Variants in CCDC126 observed in about 807,000 individuals in gnomAD.
The protein encoded by CCDC126 is coiled-coil domain containing 126.
In CCDC126, 5 loss-of-function variants were observed where a neutral mutation model predicts 11.7. That is an observed-to-expected ratio of 0.43 (90% confidence interval 0.22 to 0.90). CCDC126 has a LOEUF of 0.90. Ranked by LOEUF, CCDC126 falls within the 40% of genes least tolerant of loss-of-function variation. The probability of loss-of-function intolerance (pLI) is 0.27; values close to 1 mark genes in which losing one functional copy is unlikely to be tolerated. For synonymous variants in CCDC126, 60 were observed against 61.9 expected (o/e 0.97, Z 0.14); for missense variants, 150 against 163.1 (o/e 0.92, Z 0.44).
chr7:23,614,684 A>G (rs1484059886), intron 3 of CCDC126, among the ~76,000 whole-genome samples: 2 of 152,202 alleles, frequency 1.3e-5, no homozygotes, highest in African/African-American at 4.8e-5. Flanking sequence ...GGGCAGGAGA[A>G]TGGATGTTGT....
chr7:23,611,041 A>G (rs966435184), intron 2 of CCDC126, 130 bp from the exon 3 acceptor site: 1 of 219,910 alleles, frequency 4.5e-6, no homozygotes, highest in Admixed American at 5.5e-5. Context: ...AAGCTTACTT[A>G]GTGGTGGAGA....
At chr7:23,619,421 T>A in intron 3 of CCDC126, 1 of 421,120 alleles carries the variant, frequency 2.4e-6, no homozygotes, top group South Asian at 1.9e-5. Context: ...AAGGATAGAT[T>A]AAAACCTACA....
At chr7:23,619,897 C>T (rs1325645884) in intron 3 of CCDC126, among the ~76,000 whole-genome samples, 2 of 152,074 alleles carry the variant, frequency 1.3e-5, no homozygotes, top group East Asian at 3.9e-4. Context: ...CATGTCCCTA[C>T]AAAGGACATG....
At chr7:23,622,967 TC>T (rs1562495006) in intron 3 of CCDC126, 7 of 144,110 alleles carry the variant, frequency 4.9e-5, no homozygotes, top group South Asian at 2.9e-4. Context: ...ATATGCTCAC[TC>T]TTTTTTTTTT....
chr7:23,629,276 CAG>C (rs1279173897), intron 3 of CCDC126, among the ~76,000 whole-genome samples: 1 of 152,138 alleles, frequency 6.6e-6, no homozygotes, highest in Non-Finnish European at 1.5e-5. Context: ...CCTTTATAAA[CAG>C]AGGCTTCAGA....
intron 3 of CCDC126, among the ~76,000 whole-genome samples, chr7:23,636,359 C>A (rs1390502250): frequency 6.7e-6 from 1 of 150,150 alleles, no homozygotes; most frequent in East Asian, 2.0e-4. Flanking sequence ...GCCTGGCTGC[C>A]CAGTCTGGAA....
chr7:23,637,838 T>G (rs1403029642), intron 3 of CCDC126, among the ~76,000 whole-genome samples: 1 of 86,334 alleles, frequency 1.2e-5, no homozygotes, highest in Non-Finnish European at 2.4e-5. Flanking sequence ...GGGAGGGAGG[T>G]GGGGGGGTCA....
At chr7:23,625,247 G>T (rs1782993506) in intron 3 of CCDC126, among the ~76,000 whole-genome samples, 1 of 152,156 alleles carries the variant, frequency 6.6e-6, no homozygotes, top group Admixed American at 6.5e-5. Flanking sequence ...GTGTATTTGT[G>T]TGTATGAAAT....
At chr7:23,632,634 GC>G (rs1302442279) in intron 3 of CCDC126, among the ~76,000 whole-genome samples, 2 of 152,178 alleles carry the variant, frequency 1.3e-5, no homozygotes, top group African/African-American at 4.8e-5. Context: ...GGGAAACTGG[GC>G]AAAGGGAATT....
intron 3 of CCDC126, among the ~76,000 whole-genome samples, chr7:23,634,415 A>T (rs1402580169): frequency 6.6e-6 from 1 of 152,222 alleles, no homozygotes; most frequent in Non-Finnish European, 1.5e-5. Context: ...TGATTGTGCT[A>T]TTGCACTCCA....
In CCDC126 at chr7:23,608,257, A is replaced by G. The variant is rs557131251; in HGVS notation, c.-145-2914A>G. Among the ~76,000 whole-genome samples the G allele has an allele frequency of 2.8e-4, 42 of 152,312 alleles. No homozygotes were observed. The East Asian group carries it at 3.5e-3, about 13-fold the overall frequency. ...ACTCTGTGGCTGGTGGTCTCTTATCAGGAAGAAATGCTTGTAGGTTGTTTC... is the reference window on the plus strand; with the variant it reads ...ACTCTGTGGCTGGTGGTCTCTTATCGGGAAGAAATGCTTGTAGGTTGTTTC... On this transcript the variant is annotated intron_variant, in intron 2 of 3. Coordinates refer to ENST00000307471, the MANE Select transcript of CCDC126 (RefSeq NM_138771.4).
At chr7:23,603,923 A>G (rs1013413147) in intron 2 of CCDC126, among the ~76,000 whole-genome samples, 4 of 152,210 alleles carry the variant, frequency 2.6e-5, no homozygotes, top group African/African-American at 9.6e-5. Context: ...GACATGGCTT[A>G]CACACATGCT....
At chr7:23,598,784 C>G (rs1357574451) in intron 2 of CCDC126, among the ~76,000 whole-genome samples, 1 of 152,194 alleles carries the variant, frequency 6.6e-6, no homozygotes, top group Non-Finnish European at 1.5e-5. Context: ...CAGTGTAGGA[C>G]AGAGAGTAAT....
At chr7:23,639,145 A>G (rs1184550225) in intron 3 of CCDC126, among the ~76,000 whole-genome samples, 2 of 151,690 alleles carry the variant, frequency 1.3e-5, no homozygotes, top group East Asian at 3.8e-4. Context: ...GGTAAACATC[A>G]TATATCTTTC....
intron 2 of CCDC126, chr7:23,602,060 C>G (rs1009572756): frequency 6.6e-6 from 1 of 152,118 alleles, no homozygotes; most frequent in Non-Finnish European, 1.5e-5. Flanking sequence ...TAGGGAGAAA[C>G]CACTGAAAAA....
At chr7:23,640,851 T>C (rs1375708386) in intron 3 of CCDC126, among the ~76,000 whole-genome samples, 1 of 152,354 alleles carries the variant, frequency 6.6e-6, no homozygotes, top group East Asian at 1.9e-4. Flanking sequence ...AATATTCCAT[T>C]GTATTTACAT....
chr7:23,621,531 A>G (rs1005047640), intron 3 of CCDC126, among the ~76,000 whole-genome samples: 6 of 152,168 alleles, frequency 3.9e-5, no homozygotes, highest in Non-Finnish European at 7.3e-5. Context: ...GCAAACAGGG[A>G]CAATTGGACT....
intron 3 of CCDC126, among the ~76,000 whole-genome samples, chr7:23,636,436 C>G (rs930542954): frequency 2.0e-5 from 3 of 150,398 alleles, no homozygotes; most frequent in Non-Finnish European, 4.4e-5. Context: ...TCGCCGCCGC[C>G]ATCCCATCTA....
rs1385990712 is a variant in CCDC126, at chr7:23,643,281, T to G, written c.*166T>G. On this transcript the variant is annotated 3_prime_UTR_variant, in exon 4 of 4. Transcript: ENST00000307471. ...GGAACTCTAATTCTGTACATAAAAA[T>G]TTTAAAGTTATTTGTTTGCTTTCAG... is the stretch of plus-strand genomic sequence containing the variant. 2 of 612,752 alleles carry G rather than the reference T, an allele frequency of 3.3e-6. No homozygotes were observed. Among genetic ancestry groups the G allele is most frequent in the East Asian group, 5.9e-5 (2 of 33,642 alleles). The allele number at this position is 612,752 out of a possible 1,614,324, so 38.0% of individuals were successfully genotyped here.
Sources: allele counts gnomAD v4.1 joint callset (sites outside exome capture counted in the v4.1 genomes callset), GRCh38; gene constraint gnomAD v4.1.1; transcripts MANE v1.5; gene names NCBI Gene and HGNC (gene_info 2026-07-23, HGNC 2026-07-21).